TSPAN15: variants seen among roughly 807,000 people sequenced by gnomAD.
TSPAN15 encodes the protein tetraspanin 15, also known as tetraspanin-15.
In TSPAN15, 20 loss-of-function variants were observed where a neutral mutation model predicts 34.5. That is an observed-to-expected ratio of 0.58 (90% CI 0.41 to 0.84). The LOEUF is 0.84. TSPAN15 is among the 40% of genes least tolerant of loss of function. The pLI, the probability that TSPAN15 is intolerant of heterozygous loss-of-function variation, is 0.00. For synonymous variants in TSPAN15, 155 were observed against 153.9 expected, an observed-to-expected ratio of 1.01 and a Z score of -0.05; for missense variants, 313 against 386.1, an observed-to-expected ratio of 0.81 and a Z score of 1.59.
the TSPAN15 span, among the ~76,000 whole-genome samples, chr10:69,520,679 C>T: frequency 3.9e-5 from 6 of 152,142 alleles, no homozygotes; most frequent in African/African-American, 4.8e-5. Flanking sequence ...CAAAAAAATC[C>T]ATTGTATGCA....
intron 4 of TSPAN15, 113 bp from the exon 5 acceptor site, chr10:69,498,167 C>T (rs1842125834): frequency 1.1e-6 from 1 of 892,726 alleles, no homozygotes; most frequent in Admixed American, 1.9e-5. Context: ...TCTCCCTGCC[C>T]CAGGGTGACC....
At chr10:69,478,930 A>C (rs1841672949) in intron 1 of TSPAN15, among the ~76,000 whole-genome samples, 1 of 152,254 alleles carries the variant, frequency 6.6e-6, no homozygotes, top group Non-Finnish European at 1.5e-5. Context: ...GGTGCCGTTA[A>C]TACTACTTCA....
intron 1 of TSPAN15, among the ~76,000 whole-genome samples, chr10:69,483,223 C>T (rs531326323): frequency 1.6e-4 from 25 of 152,186 alleles, no homozygotes; most frequent in African/African-American, 5.5e-4. Flanking sequence ...CTCCTGGCCT[C>T]GTGATCTGCC....
At chr10:69,474,891 G>A (rs559534475) in intron 1 of TSPAN15, among the ~76,000 whole-genome samples, 1 of 152,262 alleles carries the variant, frequency 6.6e-6, no homozygotes, top group South Asian at 2.1e-4. Context: ...GGGTGCATCC[G>A]GGAGCACTGT....
chr10:69,525,529 T>C, the TSPAN15 span, among the ~76,000 whole-genome samples: 1 of 143,254 alleles, frequency 7.0e-6, no homozygotes, highest in Non-Finnish European at 1.5e-5. Context: ...GTTAATTAAG[T>C]ATTCAACCTG....
At chr10:69,454,758 A>G (rs1459862873) in intron 1 of TSPAN15, among the ~76,000 whole-genome samples, 1 of 152,086 alleles carries the variant, frequency 6.6e-6, no homozygotes, top group Non-Finnish European at 1.5e-5. Context: ...CGGAGGTTGA[A>G]GTGAGTTGAG....
chr10:69,532,743 ACC>A, the TSPAN15 span, among the ~76,000 whole-genome samples: 1 of 152,336 alleles, frequency 6.6e-6, no homozygotes, highest in South Asian at 2.1e-4. Flanking sequence ...TAAACAGACA[ACC>A]CACAGAGTGG....
chr10:69,489,765 T>C (rs1564611114), intron 3 of TSPAN15, among the ~76,000 whole-genome samples: 1 of 152,190 alleles, frequency 6.6e-6, no homozygotes, highest in Admixed American at 6.5e-5. Context: ...TCTCCACTCA[T>C]AGAGGGGCAA....
intron 1 of TSPAN15, among the ~76,000 whole-genome samples, chr10:69,468,967 A>C (rs2133083192): frequency 6.9e-6 from 1 of 145,510 alleles, no homozygotes; most frequent in East Asian, 2.1e-4. Context: ...ACCTGAGTTT[A>C]CGCTGATGCG....
intron 1 of TSPAN15, among the ~76,000 whole-genome samples, chr10:69,466,284 T>C (rs1410418869): frequency 6.6e-6 from 1 of 152,014 alleles, no homozygotes; most frequent in African/African-American, 2.4e-5. Context: ...AGCTGCTGAG[T>C]GAGGGCTAAT....
the TSPAN15 span, among the ~76,000 whole-genome samples, chr10:69,545,981 C>CA: frequency 6.6e-6 from 1 of 151,186 alleles, no homozygotes; most frequent in Non-Finnish European, 1.5e-5. Flanking sequence ...CAAAACAAAG[C>CA]AAAAAACAAA....
At chr10:69,495,521 G>T in intron 3 of TSPAN15, 73 bp from the exon 4 acceptor site, 1 of 1,131,536 alleles carries the variant, frequency 8.8e-7, no homozygotes, top group Non-Finnish European at 1.3e-6. Flanking sequence ...ACCCATCCAG[G>T]CTTCTGGAAA....
At chr10:69,531,342 T>C in the TSPAN15 span, among the ~76,000 whole-genome samples, 3 of 151,952 alleles carry the variant, frequency 2.0e-5, no homozygotes, top group Non-Finnish European at 4.4e-5. Flanking sequence ...CTTATGCCTG[T>C]AATCCCAGCA....
At chr10:69,516,831 T>C in the TSPAN15 span, among the ~76,000 whole-genome samples, 1 of 152,210 alleles carries the variant, frequency 6.6e-6, no homozygotes, top group Non-Finnish European at 1.5e-5. Context: ...CTTTCTGCTC[T>C]GCTGTCTCCT....
the TSPAN15 span, among the ~76,000 whole-genome samples, chr10:69,525,820 C>CAAA: frequency 6.0e-3 from 697 of 115,750 alleles, 24 homozygotes; most frequent in African/African-American, 0.02. Context: ...GACTCTGTCT[C>CAAA]AAAAAAAAAA....
chr10:69,523,446 C>T, the TSPAN15 span: 2 of 556,674 alleles, frequency 3.6e-6, no homozygotes, highest in South Asian at 1.6e-5. Flanking sequence ...CTAGCAGTAA[C>T]CTGGCCCAAA....
intron 5 of TSPAN15, among the ~76,000 whole-genome samples, chr10:69,500,028 T>A (rs944188896): frequency 6.6e-6 from 1 of 152,120 alleles, no homozygotes. Flanking sequence ...AGAGGGGCAC[T>A]CTGACTTGGT....
chr10:69,489,180 C>T (rs1396896931), intron 3 of TSPAN15, among the ~76,000 whole-genome samples: 1 of 152,196 alleles, frequency 6.6e-6, no homozygotes, highest in African/African-American at 2.4e-5. Flanking sequence ...TTAGCGATAT[C>T]TTCCCTACTT....
At chr10:69,539,793 A>G in the TSPAN15 span, among the ~76,000 whole-genome samples, 1 of 152,122 alleles carries the variant, frequency 6.6e-6, no homozygotes, top group Admixed American at 6.5e-5. Context: ...CTCCTGCTCC[A>G]GCCATCATGT....
Sources: gnomAD v4.1 joint callset for allele counts (sites outside exome capture counted in the v4.1 genomes callset) on GRCh38, gnomAD v4.1.1 for gene constraint, MANE v1.5 for transcripts, NCBI Gene and HGNC (gene_info 2026-07-23, HGNC 2026-07-21) for gene names.